The following FBXL20 variants were observed in gnomAD, a reference collection of about 807,000 sequenced individuals.
FBXL20 encodes F-box and leucine rich repeat protein 20, also known as F-box/LRR-repeat protein 20.
A neutral mutation model predicts 64.0 loss-of-function variants in FBXL20; 11 were observed. That is an observed-to-expected ratio of 0.17 (90% CI 0.11 to 0.28). The LOEUF (loss-of-function observed/expected upper bound fraction) is 0.28. Among genes scored for constraint, FBXL20 ranks in the 10% least tolerant of loss-of-function variants. FBXL20 has a pLI of 1.00. For missense variants in FBXL20, 303 were observed against 526.2 expected, an observed-to-expected ratio of 0.58 and a Z score of 4.15; for synonymous variants, 184 against 189.0, an observed-to-expected ratio of 0.97 and a Z score of 0.22.
At chr17:39,369,391 G>A (rs917633544) in intron 1 of FBXL20, among the ~76,000 whole-genome samples, 2 of 151,514 alleles carry the variant, frequency 1.3e-5, no homozygotes, top group East Asian at 1.9e-4. Context: ...CTGAGCAGCT[G>A]GGATTACAGG....
At chr17:39,399,078 A>T (rs1197794976) in intron 1 of FBXL20, among the ~76,000 whole-genome samples, 1 of 152,236 alleles carries the variant, frequency 6.6e-6, no homozygotes, top group Non-Finnish European at 1.5e-5. Flanking sequence ...TACCTACAAA[A>T]GGATTTCAAT....
chr17:39,276,968 T>C (rs2046903097), intron 9 of FBXL20, among the ~76,000 whole-genome samples: 1 of 152,168 alleles, frequency 6.6e-6, no homozygotes, highest in Non-Finnish European at 1.5e-5. Context: ...CATCTCAACA[T>C]GGTGGATACT....
intron 1 of FBXL20, among the ~76,000 whole-genome samples, chr17:39,345,590 G>A (rs764923124): frequency 1.3e-5 from 2 of 151,858 alleles, no homozygotes; most frequent in Non-Finnish European, 2.9e-5. Context: ...GCCCAAGCTG[G>A]AGTGCAATAG....
chr17:39,328,625 T>C (rs1361128336), intron 2 of FBXL20, among the ~76,000 whole-genome samples: 1 of 152,218 alleles, frequency 6.6e-6, no homozygotes, highest in Non-Finnish European at 1.5e-5. Context: ...TTCTTTACAA[T>C]GGAACTCCAA....
At chr17:39,401,328 T>C (rs773540144) in intron 1 of FBXL20, 33 bp downstream of exon 1, 43 of 1,612,146 alleles carry the variant, frequency 2.7e-5, no homozygotes, top group Non-Finnish European at 3.5e-5. Flanking sequence ...CGACCCGCCC[T>C]CCTCACGCCG....
At chr17:39,326,199 C>A (rs970842045) in intron 2 of FBXL20, among the ~76,000 whole-genome samples, 8 of 149,564 alleles carry the variant, frequency 5.3e-5, no homozygotes, top group Admixed American at 4.0e-4. Context: ...CAGAATCATA[C>A]GCCAAAAAAA....
intron 2 of FBXL20, among the ~76,000 whole-genome samples, chr17:39,307,970 C>CA (rs141151872): frequency 0.057 from 4,967 of 87,476 alleles, 151 homozygotes; most frequent in African/African-American, 0.11. Context: ...GACATCATTT[C>CA]AAAAAAAAAA....
At chr17:39,317,667 GT>G (rs11302189) in intron 2 of FBXL20, among the ~76,000 whole-genome samples, 56,962 of 140,952 alleles carry the variant, frequency 0.4, 14,666 homozygotes, top group African/African-American at 0.74. Context: ...ACATAGGAGA[GT>G]TTGACTTTGT....
At chr17:39,402,262 C>A (rs1157730533), upstream of FBXL20, 2 of 1,078,378 alleles carry the variant, frequency 1.9e-6, no homozygotes, top group Non-Finnish European at 2.2e-6. Flanking sequence ...GGCAGTGCGG[C>A]TGCCGCCGCG....
intron 1 of FBXL20, among the ~76,000 whole-genome samples, chr17:39,388,272 C>T (rs1036705158): frequency 3.3e-5 from 5 of 151,910 alleles, no homozygotes; most frequent in African/African-American, 1.2e-4. Flanking sequence ...GCCTGACCAA[C>T]ATGGCAAAAT....
intron 2 of FBXL20, among the ~76,000 whole-genome samples, chr17:39,330,109 AT>A (rs1164783911): frequency 6.6e-6 from 1 of 151,954 alleles, no homozygotes; most frequent in Non-Finnish European, 1.5e-5. Context: ...CCTGGCCAAC[AT>A]GGTAAAACCC....
At chr17:39,384,956 A>T (rs1345880142) in intron 1 of FBXL20, among the ~76,000 whole-genome samples, 1 of 152,190 alleles carries the variant, frequency 6.6e-6, no homozygotes, top group East Asian at 1.9e-4. Context: ...GTCTCAACAA[A>T]AGATAAATAA....
chr17:39,394,296 T>G (rs989346095), intron 1 of FBXL20, among the ~76,000 whole-genome samples: 64 of 151,140 alleles, frequency 4.2e-4, no homozygotes, highest in African/African-American at 1.5e-3. Flanking sequence ...TTTTTTTTTT[T>G]GAGACAGAGT....
chr17:39,347,256 G>T (rs778644447), intron 1 of FBXL20, among the ~76,000 whole-genome samples: 3 of 152,174 alleles, frequency 2.0e-5, no homozygotes, highest in Non-Finnish European at 4.4e-5. Context: ...AGATCCTTGA[G>T]GAATCGCCAC....
rs146440248 is a variant in FBXL20, at chr17:39,358,479, T to C, written c.43-15238A>G. Among the ~76,000 whole-genome samples the C allele has an allele frequency of 2.7e-3, 416 of 152,240 alleles. 1 individual carries two copies. Among genetic ancestry groups the C allele is most frequent in the African/African-American group, 9.3e-3 (388 of 41,540 alleles). On this transcript the variant is annotated intron_variant, in intron 1 of 14. Transcript: ENST00000264658. ...GGGTGGATCACTTGAAGTTAGGAGT[T>C]TGAGACCAGCCTGGCCAACATGGCG...
chr17:39,368,946 C>T (rs774345619), intron 1 of FBXL20, among the ~76,000 whole-genome samples: 5 of 152,070 alleles, frequency 3.3e-5, no homozygotes, highest in South Asian at 4.1e-4. Context: ...TGAGCCACCC[C>T]GCCCGAACCC....
chr17:39,338,924 T>C (rs2047555099), intron 2 of FBXL20, among the ~76,000 whole-genome samples: 1 of 152,058 alleles, frequency 6.6e-6, no homozygotes, highest in South Asian at 2.1e-4. Context: ...TCCAGTACTT[T>C]GGGAGGCTGA....
chr17:39,320,882 C>T (rs1346556934), intron 2 of FBXL20, among the ~76,000 whole-genome samples: 5 of 152,242 alleles, frequency 3.3e-5, no homozygotes, highest in East Asian at 3.9e-4. Context: ...AAGCCGTGCT[C>T]GGCCCAGTAT....
rs1262947177 is a variant in FBXL20 at position 39,261,355 on chromosome 17, T to A, written c.*105A>T. On this transcript the variant is annotated 3_prime_UTR_variant, in exon 15 of 15. Transcript: ENST00000264658. The stretch of plus-strand genomic sequence containing the variant: ...CTGGACACTGCCCTCCCTCACTTTG[T>A]AACCCTTGCTCAGAACACTGGGGTT... 1.1e-6 allele frequency: 1 copy of A among 923,506 alleles called. No individual in the cohort carries two copies. The highest frequency in any genetic ancestry group is 1.8e-6 in the Non-Finnish European group (1 of 557,780). The allele number at this position is 923,506 out of a possible 1,614,324, so 57.2% of individuals were successfully genotyped here.
Sources: allele counts gnomAD v4.1 joint callset (sites outside exome capture counted in the v4.1 genomes callset), GRCh38; gene constraint gnomAD v4.1.1; transcripts MANE v1.5; gene names NCBI Gene and HGNC (gene_info 2026-07-23, HGNC 2026-07-21).